The following OR14A2 variants were observed in gnomAD, a reference collection of about 807,000 sequenced individuals.
OR14A2 encodes the protein olfactory receptor 14A2.
For missense variants in OR14A2, 237 were observed against 152.9 expected, an observed-to-expected ratio of 1.55 and a Z score of -2.90; for synonymous variants, 114 against 58.6, an observed-to-expected ratio of 1.95 and a Z score of -4.32.
chr1:247,747,894 C>T, the OR14A2 span, among the ~76,000 whole-genome samples: 4 of 152,144 alleles, frequency 2.6e-5, no homozygotes, highest in African/African-American at 9.7e-5. Context: ...TGCCTCTCTT[C>T]TTGAGGTCTC....
At chr1:247,733,397 A>G in the OR14A2 span, among the ~76,000 whole-genome samples, 2 of 152,234 alleles carry the variant, frequency 1.3e-5, no homozygotes, top group African/African-American at 4.8e-5. Context: ...AAAAGAAACA[A>G]AAACCAAAGA....
chr1:247,742,664 A>G, the OR14A2 span, among the ~76,000 whole-genome samples: 1 of 152,254 alleles, frequency 6.6e-6, no homozygotes, highest in African/African-American at 2.4e-5. Context: ...TAATCAATCA[A>G]TATGATAAAA....
upstream of OR14A2, among the ~76,000 whole-genome samples, chr1:247,724,659 A>G (rs1660290673): frequency 6.6e-6 from 1 of 152,176 alleles, no homozygotes; most frequent in African/African-American, 2.4e-5. Context: ...CAATTCTAAC[A>G]TAATGAATAT....
chr1:247,730,550 C>T, the OR14A2 span, among the ~76,000 whole-genome samples: 10 of 151,526 alleles, frequency 6.6e-5, no homozygotes, highest in Non-Finnish European at 1.5e-4. Context: ...TGTTGGTTTT[C>T]TAGCTGCTTT....
At chr1:247,747,857 T>G in the OR14A2 span, among the ~76,000 whole-genome samples, 1 of 152,182 alleles carries the variant, frequency 6.6e-6, no homozygotes, top group South Asian at 2.1e-4. Context: ...CAAGATTTCA[T>G]TTGTAGTACT....
chr1:247,745,905 A>G, the OR14A2 span, among the ~76,000 whole-genome samples: 1 of 152,176 alleles, frequency 6.6e-6, no homozygotes, highest in Non-Finnish European at 1.5e-5. Flanking sequence ...GGGTAAAATG[A>G]GGCAGCTCCT....
upstream of OR14A2, among the ~76,000 whole-genome samples, chr1:247,724,244 T>C (rs758407854): frequency 9.9e-5 from 15 of 152,064 alleles, no homozygotes; most frequent in Non-Finnish European, 1.8e-4. Flanking sequence ...TAAGATAAAC[T>C]CCATGAGTAA....
chr1:247,731,834 TC>T, the OR14A2 span, among the ~76,000 whole-genome samples: 1 of 152,144 alleles, frequency 6.6e-6, no homozygotes, highest in African/African-American at 2.4e-5. Flanking sequence ...TGCTTCAACA[TC>T]TGGTTCATCT....
the OR14A2 span, among the ~76,000 whole-genome samples, chr1:247,737,073 C>T: frequency 1.3e-5 from 2 of 152,096 alleles, no homozygotes; most frequent in Non-Finnish European, 2.9e-5. Flanking sequence ...CTGTGATTAC[C>T]GGCATGAGCC....
chr1:247,744,776 G>A, the OR14A2 span, among the ~76,000 whole-genome samples: 1 of 152,174 alleles, frequency 6.6e-6, no homozygotes, highest in Non-Finnish European at 1.5e-5. This position sits in a 1 kb window ranked among gnomAD's most constrained non-coding sequence, Gnocchi z 4.3. Context: ...ATGGGCCAAG[G>A]TTGAGCACAG....
chr1:247,732,396 G>A, the OR14A2 span, among the ~76,000 whole-genome samples: 4 of 152,158 alleles, frequency 2.6e-5, no homozygotes, highest in South Asian at 8.3e-4. Context: ...ACTTCTCCAA[G>A]TGAACAGAAA....
the OR14A2 span, among the ~76,000 whole-genome samples, chr1:247,736,442 A>G: frequency 1.3e-5 from 2 of 152,210 alleles, no homozygotes; most frequent in South Asian, 4.1e-4. Flanking sequence ...CCAAATAAGT[A>G]TATAAATATA....
the OR14A2 span, among the ~76,000 whole-genome samples, chr1:247,741,502 A>G: frequency 6.6e-6 from 1 of 152,230 alleles, no homozygotes; most frequent in East Asian, 1.9e-4. Context: ...GAAACATTGA[A>G]TTGGAATATG....
chr1:247,736,169 C>CCCTCCCCTCT, the OR14A2 span, among the ~76,000 whole-genome samples: 3 of 147,216 alleles, frequency 2.0e-5, no homozygotes, highest in East Asian at 6.1e-4. Context: ...CCCTCCCCTC[C>CCCTCCCCTCT]CCTCTCCTCT....
upstream of OR14A2, among the ~76,000 whole-genome samples, chr1:247,724,243 C>T (rs1434638697): frequency 6.6e-6 from 1 of 151,964 alleles, no homozygotes; most frequent in Non-Finnish European, 1.5e-5. Flanking sequence ...TTAAGATAAA[C>T]TCCATGAGTA....
chr1:247,733,157 T>A, the OR14A2 span, among the ~76,000 whole-genome samples: 3 of 152,178 alleles, frequency 2.0e-5, no homozygotes, highest in African/African-American at 7.2e-5. Flanking sequence ...GTTTATTATT[T>A]CTGTGGCTTT....
exon 1 of OR14A2, chr1:247,723,674 T>G (rs1179511839): frequency 2.8e-6 from 2 of 718,702 alleles, no homozygotes; most frequent in East Asian, 5.4e-5. Flanking sequence ...GGACAGCAGA[T>G]GGCTACATAG....
chr1:247,741,333 A>T, the OR14A2 span, among the ~76,000 whole-genome samples: 21 of 152,348 alleles, frequency 1.4e-4, no homozygotes, highest in African/African-American at 5.0e-4. Flanking sequence ...TGCAGTTCAC[A>T]GTTGTGAGCA....
chr1:247,739,448 C>T, the OR14A2 span: 19 of 780,760 alleles, frequency 2.4e-5, no homozygotes, highest in South Asian at 1.5e-4. Context: ...TCTATTCTGT[C>T]GCACCTCCAA....
Sources: allele counts gnomAD v4.1 joint callset (sites outside exome capture counted in the v4.1 genomes callset), GRCh38; gene constraint gnomAD v4.1.1; non-coding constraint Gnocchi (gnomAD v3.1); transcripts MANE v1.5; gene names NCBI Gene and HGNC (gene_info 2026-07-23, HGNC 2026-07-21).